Variants in DYSF observed in about 807,000 individuals in gnomAD.
The protein encoded by DYSF is dystrophy-associated fer-1-like 1.
DYSF carries 212 observed loss-of-function variants against 274.9 expected under a neutral mutation model. The ratio of observed to expected loss-of-function variants is 0.77; its 90% CI spans 0.69 to 0.86. DYSF has a LOEUF of 0.86. Among genes scored for constraint, DYSF ranks in the 40% least tolerant of loss-of-function variants. The pLI, the probability that DYSF is intolerant of heterozygous loss-of-function variation, is 0.00. For missense variants in DYSF, 2,666 were observed against 2,783.2 expected (o/e 0.96, Z 0.95); for synonymous variants, 1,091 against 1,078.7 (o/e 1.01, Z -0.22).
intron 3 of DYSF, 93 bp downstream of exon 3, chr2:71,482,063 G>A: frequency 1.9e-6 from 2 of 1,049,062 alleles, no homozygotes; most frequent in Non-Finnish European, 1.5e-6. Flanking sequence ...CCAGGGAGCT[G>A]GGGTTTCAAT....
chr2:71,526,415 C>CCCTGGGGGGGGGGGGGG, intron 13 of DYSF, 69 bp downstream of exon 13: 3 of 411,246 alleles, frequency 7.3e-6, no homozygotes, highest in Non-Finnish European at 1.2e-5. Context: ...TGGGGGTGGG[C>CCCTGGGGGGGGGGGGGG]GATGGCGGGC....
At chr2:71,603,211 G>A (rs2093585503) in intron 36 of DYSF, among the ~76,000 whole-genome samples, 1 of 152,220 alleles carries the variant, frequency 6.6e-6, no homozygotes, top group African/African-American at 2.4e-5. Context: ...AAGAAAGTGA[G>A]AAACATGGCT....
At chr2:71,619,003 C>T (rs902172768) in intron 40 of DYSF, among the ~76,000 whole-genome samples, 3 of 151,950 alleles carry the variant, frequency 2.0e-5, no homozygotes, top group Admixed American at 6.5e-5. Flanking sequence ...GAACGTGCTC[C>T]CAGAACCGGA....
intron 29 of DYSF, among the ~76,000 whole-genome samples, chr2:71,572,894 T>C (rs769992760): frequency 3.3e-5 from 5 of 152,180 alleles, no homozygotes; most frequent in Admixed American, 6.5e-5. Context: ...ATTCATGCAA[T>C]GCAAGCACAC....
intron 22 of DYSF, among the ~76,000 whole-genome samples, chr2:71,558,349 G>A (rs894086171): frequency 1.3e-5 from 2 of 152,186 alleles, no homozygotes; most frequent in African/African-American, 4.8e-5. Flanking sequence ...GCTGGCCTGT[G>A]GTCTGGAGGT....
intron 30 of DYSF, among the ~76,000 whole-genome samples, chr2:71,585,146 T>C (rs2093024122): frequency 6.6e-6 from 1 of 152,240 alleles, no homozygotes; most frequent in African/African-American, 2.4e-5. Context: ...GAGATGCTAC[T>C]GGTATCTAAC....
intron 41 of DYSF, among the ~76,000 whole-genome samples, chr2:71,639,340 T>A (rs1348580436): frequency 1.3e-5 from 2 of 152,060 alleles, no homozygotes; most frequent in Admixed American, 1.3e-4. Context: ...TTTAAAAATT[T>A]TTAATTTTTA....
intron 3 of DYSF, among the ~76,000 whole-genome samples, chr2:71,487,056 G>T (rs576394523): frequency 1.2e-4 from 18 of 152,190 alleles, no homozygotes; most frequent in Admixed American, 3.3e-4. Context: ...GGCAAGGTCT[G>T]TGCAGCATCA....
At chr2:71,549,083 G>A (rs1433912830) in intron 17 of DYSF, among the ~76,000 whole-genome samples, 1 of 152,214 alleles carries the variant, frequency 6.6e-6, no homozygotes, top group Admixed American at 6.5e-5. Flanking sequence ...CTGGCAAACG[G>A]AACACACAGA....
chr2:71,561,126 T>A (rs1478498820), intron 22 of DYSF, among the ~76,000 whole-genome samples: 1 of 152,044 alleles, frequency 6.6e-6, no homozygotes, highest in Non-Finnish European at 1.5e-5. Flanking sequence ...CTCAGGGCTG[T>A]GTTTCTGGCA....
At chr2:71,554,173 A>G (rs2091173802) in intron 21 of DYSF, among the ~76,000 whole-genome samples, 4 of 152,212 alleles carry the variant, frequency 2.6e-5, no homozygotes, top group Admixed American at 2.0e-4. Flanking sequence ...GCAGTGGGAC[A>G]CAGAGCAAGG....
At chr2:71,675,293 G>A (rs1397816507) in intron 52 of DYSF, among the ~76,000 whole-genome samples, 1 of 152,200 alleles carries the variant, frequency 6.6e-6, no homozygotes, top group Non-Finnish European at 1.5e-5. Context: ...AGTGGTTAAA[G>A]TGGTGCATTT....
chr2:71,553,326 C>G, intron 20 of DYSF, 138 bp downstream of exon 20: 1 of 1,265,814 alleles, frequency 7.9e-7, no homozygotes, highest in South Asian at 1.3e-5. Context: ...CCTGTTCCAG[C>G]TGTCCCCTTG....
intron 55 of DYSF, among the ~76,000 whole-genome samples, chr2:71,685,705 C>T (rs367789370): frequency 6.6e-6 from 1 of 152,198 alleles, no homozygotes; most frequent in Non-Finnish European, 1.5e-5. Context: ...GGGAGCAGGG[C>T]CAGCGTGGGG....
intron 17 of DYSF, among the ~76,000 whole-genome samples, chr2:71,544,981 A>C (rs1210641031): frequency 6.6e-6 from 1 of 152,184 alleles, no homozygotes; most frequent in African/African-American, 2.4e-5. Flanking sequence ...ATAGACAAAT[A>C]AAAATATGGG....
At chr2:71,516,515 G>C (rs549599965) in intron 9 of DYSF, among the ~76,000 whole-genome samples, 76 of 152,372 alleles carry the variant, frequency 5.0e-4, no homozygotes, top group African/African-American at 1.8e-3. Flanking sequence ...GCAGCTGCGG[G>C]AGAGCCCACT....
In DYSF at chr2:71,598,668, G is replaced by A. The variant is rs773773555; in HGVS notation, c.3679G>A (p.Glu1227Lys). The change falls in exon 33 of 56, where the codon GAG becomes AAG. Residue 1227 changes from glutamate to lysine, a missense_variant. Around this residue, in one of 3 missense-constraint regions of DYSF, gnomAD observed 1,460 missense variants for 1,502.1 expected, o/e 0.97. Transcript: ENST00000410020. ...CCAGACGCTCATCTTCTACGAGATC[G>A]AGATCTTTGGCGAGCCGGCCACAGT... is the stretch of plus-strand genomic sequence containing the variant. ...WDQTLIFYEI[E>K]IFGEPATVAE... is the part of the protein sequence containing the mutation. 10 of 1,613,956 alleles carry A rather than the reference G, an allele frequency of 6.2e-6. No individual in the cohort carries two copies. In the South Asian group the frequency reaches 9.9e-5, roughly 16 times the overall value.
chr2:71,541,660 A>G (rs1370468567), intron 17 of DYSF, among the ~76,000 whole-genome samples: 2 of 152,050 alleles, frequency 1.3e-5, no homozygotes, highest in South Asian at 2.1e-4. Flanking sequence ...TTTCTTATTT[A>G]AATAATGAAA....
intron 19 of DYSF, 73 bp from the exon 20 acceptor site, chr2:71,552,938 G>C: frequency 1.3e-6 from 2 of 1,535,210 alleles, no homozygotes; most frequent in Non-Finnish European, 1.8e-6. Flanking sequence ...CCTGCCAGAC[G>C]TATGTCCCCT....
Sources: gnomAD v4.1 joint callset for allele counts (sites outside exome capture counted in the v4.1 genomes callset) on GRCh38, gnomAD v4.1.1 for gene constraint, gnomAD v4.1.1 regional missense constraint, MANE v1.5 for transcripts, NCBI Gene and HGNC (gene_info 2026-07-23, HGNC 2026-07-21) for gene names.